The following B4GALT4 variants were observed in gnomAD, a reference collection of about 807,000 sequenced individuals.
B4GALT4 encodes the protein N-acetyllactosamine synthase.
Under a neutral mutation model 37.3 loss-of-function variants are expected in B4GALT4, and 27 were observed. The ratio of observed to expected loss-of-function variants is 0.72; its 90% CI spans 0.53 to 1.00. The LOEUF (loss-of-function observed/expected upper bound fraction) is 1.00, where lower values mean the gene tolerates loss of function less well. B4GALT4 is among the 50% of genes least tolerant of loss of function. B4GALT4 has a pLI of 0.00. For synonymous variants in B4GALT4, 148 were observed against 154.1 expected, an observed-to-expected ratio of 0.96 and a Z score of 0.29; for missense variants, 372 against 413.1, an observed-to-expected ratio of 0.90 and a Z score of 0.86.
intron 6 of B4GALT4, among the ~76,000 whole-genome samples, chr3:119,218,214 T>C (rs2078348088): frequency 6.6e-6 from 1 of 152,194 alleles, no homozygotes; most frequent in Non-Finnish European, 1.5e-5. Context: ...AGGACCTCTT[T>C]GCCTGCTTCA....
intron 3 of B4GALT4, among the ~76,000 whole-genome samples, chr3:119,227,639 A>G (rs1448678844): frequency 6.6e-6 from 1 of 152,218 alleles, no homozygotes; most frequent in African/African-American, 2.4e-5. Flanking sequence ...GACGTTTCCA[A>G]TCGAGCACAG....
In B4GALT4 at chr3:119,220,806, G is replaced by A. The variant is rs183008806; in HGVS notation, c.675-2034C>T. On this transcript the variant is annotated intron_variant, in intron 5 of 7. Coordinates refer to ENST00000393765, the MANE Select transcript of B4GALT4 (RefSeq NM_003778.4). ...TCGAGACCACCCTGGCTAACACTGC[G>A]AAACCCCGTCTCCACTAAAAATACA... Among the ~76,000 whole-genome samples, 5 of 152,242 alleles carry A rather than the reference G, an allele frequency of 3.3e-5. No individual in the cohort carries two copies. The East Asian group carries it at 7.7e-4, about 23-fold the overall frequency.
chr3:119,217,129 C>T (rs1482064087), intron 6 of B4GALT4, among the ~76,000 whole-genome samples: 1 of 152,208 alleles, frequency 6.6e-6, no homozygotes, highest in South Asian at 2.1e-4. Flanking sequence ...ATTGGAGGCT[C>T]CCCTCTACTT....
chr3:119,220,615 A>C (rs545183193), intron 5 of B4GALT4, among the ~76,000 whole-genome samples: 17 of 152,304 alleles, frequency 1.1e-4, no homozygotes, highest in Non-Finnish European at 1.8e-4. Flanking sequence ...AAAGCACAGG[A>C]GGGAGAAAGA....
intron 6 of B4GALT4, among the ~76,000 whole-genome samples, chr3:119,218,267 G>A (rs935662493): frequency 2.0e-5 from 3 of 152,144 alleles, no homozygotes; most frequent in Non-Finnish European, 2.9e-5. Flanking sequence ...CCCTGCAGGG[G>A]GACACTGGGA....
intron 1 of B4GALT4, chr3:119,240,236 T>C (rs535205599): frequency 1.3e-5 from 2 of 151,744 alleles, no homozygotes; most frequent in East Asian, 1.9e-4. Flanking sequence ...CTTTGGACTT[T>C]GTCTGTTTTT....
In B4GALT4 at chr3:119,230,023, A is replaced by C. The variant is rs1348052141; in HGVS notation, c.77T>G (p.Val26Gly). ...GAAGTAGTTACTGGTGGCCCACCCA[A>C]CCACTGTCAGGCACAAAGTCAACAG... ...LLLLTLCLTV[V>G]GWATSNYFVG... Residue 26 changes from valine to glycine, a missense_variant, in exon 3 of 8, where the codon GTT becomes GGT. Val to Gly is a moderately radical substitution (Grantham distance 109, BLOSUM62 -3). Transcript: ENST00000393765. The C allele has an allele frequency of 1.9e-6, 3 of 1,614,186 alleles. No individual in the cohort carries two copies. Among genetic ancestry groups the C allele is most frequent in the Non-Finnish European group, 2.5e-6 (3 of 1,180,032 alleles).
At chr3:119,235,490 C>A (rs1246273244) in intron 2 of B4GALT4, among the ~76,000 whole-genome samples, 2 of 152,232 alleles carry the variant, frequency 1.3e-5, no homozygotes, top group African/African-American at 4.8e-5. Flanking sequence ...GTCCCAGGCA[C>A]ATGATCCTGA....
chr3:119,220,501 G>C (rs1268107508), intron 5 of B4GALT4, among the ~76,000 whole-genome samples: 1 of 152,240 alleles, frequency 6.6e-6, no homozygotes, highest in East Asian at 1.9e-4. Context: ...ACATTATCAG[G>C]GTTCTGAGGA....
At chr3:119,233,224 G>C (rs546811265) in intron 2 of B4GALT4, 1 of 152,284 alleles carries the variant, frequency 6.6e-6, no homozygotes, top group East Asian at 1.9e-4. Context: ...AATCAGAAAA[G>C]ATCTTAAAGA....
chr3:119,216,051 T>G, intron 7 of B4GALT4, 189 bp downstream of exon 7: 43 of 354,980 alleles, frequency 1.2e-4, no homozygotes, highest in Middle Eastern at 4.5e-4. Context: ...AGAGAGGCCA[T>G]GAGTTGAGAA....
intron 7 of B4GALT4, chr3:119,215,692 G>GACAA (rs1461566606): frequency 6.6e-6 from 1 of 152,174 alleles, no homozygotes; most frequent in African/African-American, 2.4e-5. Context: ...AATTCTATTG[G>GACAA]ACAAATAATC....
chr3:119,234,784 A>G lies in B4GALT4; in HGVS notation c.-146+2069T>C, dbSNP rs529694025. 2.0e-5 allele frequency among the ~76,000 whole-genome samples: 3 copies of G among 152,292 alleles called. No homozygotes were observed. The South Asian group carries it at 6.2e-4, about 32-fold the overall frequency. ...TCTTGAAGTGCCAAGGGACTACATC[A>G]TCAGTATTGAGAACAAATTCAGGCA... On this transcript the variant is annotated intron_variant, in intron 2 of 7. Coordinates refer to ENST00000393765, the MANE Select transcript of B4GALT4 (RefSeq NM_003778.4).
chr3:119,230,035 C>A lies in B4GALT4; in HGVS notation c.65G>T (p.Cys22Phe). 1 of 1,614,176 alleles carries A rather than the reference C, an allele frequency of 6.2e-7. No homozygotes were observed. Among genetic ancestry groups the A allele is most frequent in the Non-Finnish European group, 8.5e-7 (1 of 1,180,036 alleles). ...GGTGGCCCACCCAACCACTGTCAGG[C>A]ACAAAGTCAACAGCAACAGTAATCG... ...KFRLLLLLTL[C>F]LTVVGWATSN... Residue 22 changes from cysteine (C) to phenylalanine (F), a missense_variant, in exon 3 of 8, where the codon TGC (cysteine) becomes TTC (phenylalanine). Coordinates refer to ENST00000393765, the MANE Select transcript of B4GALT4 (RefSeq NM_003778.4).
At chr3:119,218,041 G>A (rs945868913) in intron 6 of B4GALT4, among the ~76,000 whole-genome samples, 7 of 152,220 alleles carry the variant, frequency 4.6e-5, no homozygotes, top group Middle Eastern at 3.4e-3. Flanking sequence ...AGGGGAAGAA[G>A]CTGTGGGTGG....
At chr3:119,212,913 C>T (rs367605917) in intron 7 of B4GALT4, 53 of 454,872 alleles carry the variant, frequency 1.2e-4, no homozygotes, top group African/African-American at 6.8e-4. Flanking sequence ...AGTGTCACTG[C>T]ACTCAGTGAG....
chr3:119,224,240 T>A lies in B4GALT4; in HGVS notation c.492A>T (p.Glu164Asp). The change falls in exon 5 of 8, where the codon GAA becomes GAT. Residue 164 changes from glutamate (E) to aspartate (D), a missense_variant. Physicochemically the swap from Glu to Asp is conservative, Grantham distance 45. Coordinates refer to ENST00000393765, the MANE Select transcript of B4GALT4 (RefSeq NM_003778.4). ...DYGIYVIHQA[E>D]GKKFNRAKLL... The stretch of plus-strand genomic sequence containing the variant: ...GTTTGGCTCGATTAAACTTTTTACC[T>A]TCAGCCTAGAGATATGAAAATTAAA... The A allele has an allele frequency of 3.1e-6, 5 of 1,605,794 alleles. No homozygotes were observed. Among genetic ancestry groups the A allele is most frequent in the Non-Finnish European group, 4.2e-6 (5 of 1,177,050 alleles).
chr3:119,225,173 G>A (rs958531533), intron 4 of B4GALT4, among the ~76,000 whole-genome samples: 3 of 152,164 alleles, frequency 2.0e-5, no homozygotes, highest in African/African-American at 7.2e-5. Context: ...CCTTATGGAG[G>A]TAGATTCGTC....
At chr3:119,225,323 G>C (rs775255011) in intron 4 of B4GALT4, among the ~76,000 whole-genome samples, 1 of 152,160 alleles carries the variant, frequency 6.6e-6, no homozygotes, top group East Asian at 1.9e-4. Context: ...AAAAGTGCAA[G>C]TATTTCTCAG....
Sources: allele counts gnomAD v4.1 joint callset (sites outside exome capture counted in the v4.1 genomes callset), GRCh38; gene constraint gnomAD v4.1.1; transcripts MANE v1.5; gene names NCBI Gene and HGNC (gene_info 2026-07-23, HGNC 2026-07-21).